Variants in MCPH1 observed in about 807,000 individuals in gnomAD.
The protein encoded by MCPH1 is microcephalin 1.
A neutral mutation model predicts 84.5 loss-of-function variants in MCPH1; 104 were observed. That is an observed-to-expected ratio of 1.23 (90% confidence interval 1.05 to 1.45). MCPH1 has a LOEUF of 1.45. Among genes scored for constraint, MCPH1 ranks in the 40% most tolerant of loss-of-function variants. MCPH1 has a pLI of 0.00. For missense variants in MCPH1, 1,498 were observed against 1,005.7 expected (o/e 1.49, Z -6.62); for synonymous variants, 514 against 366.8 (o/e 1.40, Z -4.58).
intron 9 of MCPH1, among the ~76,000 whole-genome samples, chr8:6,473,435 C>T (rs1011255436): frequency 2.1e-5 from 3 of 143,346 alleles, no homozygotes; most frequent in African/African-American, 7.6e-5. Context: ...AGGTTCACGC[C>T]ATTCTCCTGC....
At chr8:6,579,256 C>T (rs934412255) in intron 12 of MCPH1, among the ~76,000 whole-genome samples, 22 of 152,196 alleles carry the variant, frequency 1.4e-4, no homozygotes, top group Admixed American at 1.4e-3. Flanking sequence ...GGCAGAGTTC[C>T]AGGTATGGTG....
intron 2 of MCPH1, among the ~76,000 whole-genome samples, chr8:6,414,518 G>A (rs566181880): frequency 6.6e-6 from 1 of 152,250 alleles, no homozygotes; most frequent in South Asian, 2.1e-4. Flanking sequence ...TATCCTTGCA[G>A]GGCTCCAACT....
chr8:6,439,684 G>A (rs2129555033), intron 6 of MCPH1, among the ~76,000 whole-genome samples: 1 of 152,174 alleles, frequency 6.6e-6, no homozygotes, highest in African/African-American at 2.4e-5. Context: ...ATCCAGGCGT[G>A]AGCCACCGCT....
rs950964783 is a variant in MCPH1, at chr8:6,524,347, A to G, written c.2214+24418A>G. Among the ~76,000 whole-genome samples the G allele has an allele frequency of 2.6e-5, 4 of 152,258 alleles. No homozygotes were observed. The South Asian group carries it at 6.2e-4, about 24-fold the overall frequency. On this transcript the variant is annotated intron_variant, in intron 12 of 13. Transcript: ENST00000344683. ...ACATTAGAAGCTGGTGAAATATTCT[A>G]TACATTTCACTAGCTTTTCTGCGAA... is the stretch of plus-strand genomic sequence containing the variant.
At chr8:6,626,663 C>T (rs1404225966) in intron 13 of MCPH1, 1 of 984,812 alleles carries the variant, frequency 1.0e-6, no homozygotes, top group Non-Finnish European at 1.2e-6. Flanking sequence ...CCAACACTCC[C>T]ATGACATATA....
intron 13 of MCPH1, chr8:6,622,003 C>T (rs559216796): frequency 2.8e-5 from 12 of 423,712 alleles, no homozygotes; most frequent in East Asian, 2.6e-4. Flanking sequence ...ACAGACTCTC[C>T]GGGCACCCCT....
intron 12 of MCPH1, among the ~76,000 whole-genome samples, chr8:6,512,945 C>A (rs1271737853): frequency 6.6e-6 from 1 of 152,194 alleles, no homozygotes; most frequent in African/African-American, 2.4e-5. Context: ...AGATTGAAGA[C>A]AATTGAATGT....
At chr8:6,527,709 A>AT in intron 12 of MCPH1, 1 of 1,555,170 alleles carries the variant, frequency 6.4e-7, no homozygotes, top group Non-Finnish European at 8.7e-7. Context: ...CCTATTAATT[A>AT]TTTTTTAATT....
Position 6,593,306 on chromosome 8 carries a change from C to T in MCPH1, c.2215-28148C>T, listed in dbSNP as rs563332920. 3.3e-5 allele frequency among the ~76,000 whole-genome samples: 5 copies of T among 152,062 alleles called. No individual in the cohort carries two copies. In the East Asian group the frequency reaches 7.7e-4, roughly 24 times the overall value. On this transcript the variant is annotated intron_variant, in intron 12 of 13. Transcript: ENST00000344683. ...CCATGTTAGTCAGGCTGGTCTCAAA[C>T]TCCTGACCTCAGATGATCCGCCCAC...
chr8:6,406,738 G>A (rs754710879), intron 1 of MCPH1, 49 bp downstream of exon 1: 3 of 1,602,856 alleles, frequency 1.9e-6, no homozygotes, highest in Admixed American at 3.4e-5. Flanking sequence ...TTGAGGACCG[G>A]CACCCCTCGT....
In MCPH1 at chr8:6,445,282, A is replaced by C; in HGVS notation, c.1560A>C (p.Pro520=). 1 of 1,614,252 alleles carries C rather than the reference A, an allele frequency of 6.2e-7. No homozygotes were observed. Among genetic ancestry groups the C allele is most frequent in the Non-Finnish European group, 8.5e-7 (1 of 1,180,050 alleles). ...CRQAGKEDAC[P]EGNGFSYTIE... is the part of the protein sequence containing the mutation. ...AGGCTGGGAAAGAAGACGCATGCCCAGAGGGAAATGGCTTTTCTTACACCA... is the reference window on the plus strand; with the variant it reads ...AGGCTGGGAAAGAAGACGCATGCCCCGAGGGAAATGGCTTTTCTTACACCA... Residue 520 remains proline, a synonymous_variant, in exon 8 of 14, where the codon CCA becomes CCC. Transcript: ENST00000344683.
chr8:6,510,711 A>G (rs1429837121), intron 12 of MCPH1, among the ~76,000 whole-genome samples: 1 of 152,184 alleles, frequency 6.6e-6, no homozygotes, highest in Non-Finnish European at 1.5e-5. Context: ...GTGTTTCAAC[A>G]CTGGTGCACA....
rs1198571840 is a variant in MCPH1, at chr8:6,506,005, TTATA to T, written c.2214+6080_2214+6083del. Among the ~76,000 whole-genome samples, 6 of 142,474 alleles carry T rather than the reference TTATA, an allele frequency of 4.2e-5. 1 individual carries two copies. The highest frequency in any genetic ancestry group is 1.3e-4 in the African/African-American group (5 of 38,750). 93.5% of individuals were successfully genotyped at this position (142,474 alleles called of 152,430 possible). A position where few individuals can be genotyped will look rare whatever the true frequency, so the allele number is the denominator to read the frequency against. ...ATATATAAAAACATATACATATTCT[TTATA>T]TATGTATATATATAAAAACATATAT... On this transcript the variant is annotated intron_variant, in intron 12 of 13. Transcript: ENST00000344683.
chr8:6,429,757 C>T (rs927946585), intron 3 of MCPH1, among the ~76,000 whole-genome samples: 1 of 151,868 alleles, frequency 6.6e-6, no homozygotes, highest in Non-Finnish European at 1.5e-5. Context: ...ATCTTAGTCC[C>T]CAACTGCCTT....
chr8:6,475,441 C>T (rs567540645), intron 9 of MCPH1, among the ~76,000 whole-genome samples: 4 of 152,360 alleles, frequency 2.6e-5, no homozygotes, highest in African/African-American at 9.6e-5. Context: ...CTGACCATCG[C>T]TCTGGTGCTC....
chr8:6,597,938 GC>G (rs1400579568), intron 12 of MCPH1, among the ~76,000 whole-genome samples: 4 of 152,154 alleles, frequency 2.6e-5, no homozygotes, highest in African/African-American at 7.2e-5. Flanking sequence ...TGGTCTTTCT[GC>G]CCCCAGCACT....
At chr8:6,509,181 C>G in intron 12 of MCPH1, 1 of 1,267,060 alleles carries the variant, frequency 7.9e-7, no homozygotes. Flanking sequence ...CGTTAATGGA[C>G]TAATGCATAC....
intron 12 of MCPH1, among the ~76,000 whole-genome samples, chr8:6,603,662 G>C (rs541796474): frequency 2.6e-5 from 4 of 152,284 alleles, no homozygotes; most frequent in African/African-American, 9.6e-5. Flanking sequence ...AAGTTACATA[G>C]GCACTCCTTA....
At chr8:6,504,410 C>T (rs1812858963) in intron 12 of MCPH1, among the ~76,000 whole-genome samples, 1 of 152,030 alleles carries the variant, frequency 6.6e-6, no homozygotes, top group Admixed American at 6.6e-5. Flanking sequence ...CTTCATCCCT[C>T]CCAGAACATG....
Sources: allele counts gnomAD v4.1 joint callset (sites outside exome capture counted in the v4.1 genomes callset), GRCh38; gene constraint gnomAD v4.1.1; transcripts MANE v1.5; gene names NCBI Gene and HGNC (gene_info 2026-07-23, HGNC 2026-07-21).